Variants in FBXL5 observed in about 807,000 individuals in gnomAD.
FBXL5 encodes the protein F-box and leucine rich repeat protein 5.
In FBXL5, 26 loss-of-function variants were observed where a neutral mutation model predicts 78.3. That is an observed-to-expected ratio of 0.33 (90% confidence interval 0.24 to 0.46). The LOEUF (loss-of-function observed/expected upper bound fraction) is 0.46, where lower values mean the gene tolerates loss of function less well. Ranked by LOEUF, FBXL5 falls within the 20% of genes least tolerant of loss-of-function variation. The probability of loss-of-function intolerance (pLI) is 1.00; values close to 1 mark genes in which losing one functional copy is unlikely to be tolerated. For missense variants in FBXL5, 710 were observed against 829.2 expected (o/e 0.86, Z 1.77); for synonymous variants, 295 against 282.5 (o/e 1.04, Z -0.45).
At chr4:15,610,736 A>C (rs1255011948) in intron 10 of FBXL5, among the ~76,000 whole-genome samples, 1 of 152,108 alleles carries the variant, frequency 6.6e-6, no homozygotes, top group East Asian at 1.9e-4. Context: ...CTATGAATCC[A>C]AAAATAAATA....
At position 15,605,658 on chromosome 4, in the gene FBXL5, G is replaced by T; in HGVS notation, c.*65C>A. 7.3e-7 allele frequency: 1 copy of T among 1,363,580 alleles called. No homozygotes were observed. Among genetic ancestry groups the T allele is most frequent in the South Asian group, 1.2e-5 (1 of 83,404 alleles). 84.5% of individuals were successfully genotyped at this position (1,363,580 alleles called of 1,614,324 possible). A position where few individuals can be genotyped will look rare whatever the true frequency, so the allele number is the denominator to read the frequency against. ...ATGGTTAACACAAGAAATGTGCTAT[G>T]AGTAAAGTGCATGAAAGAAAGCCTG... On this transcript the variant is annotated 3_prime_UTR_variant, in exon 11 of 11. Transcript: ENST00000341285.
chr4:15,630,821 C>T (rs945522849), intron 5 of FBXL5, 30 bp from the exon 6 acceptor site: 1 of 1,599,398 alleles, frequency 6.3e-7, no homozygotes, highest in Non-Finnish European at 8.5e-7. Flanking sequence ...GTAAAAGGTT[C>T]AAAATAATAT....
At chr4:15,655,513 C>G, upstream of FBXL5, 1 of 357,880 alleles carries the variant, frequency 2.8e-6, no homozygotes, top group Non-Finnish European at 3.9e-6. Context: ...CTTCTGCCTC[C>G]CGCCCCCACT....
chr4:15,679,567 A>C (rs1015814479), intron 1 of FBXL5, among the ~76,000 whole-genome samples: 21 of 151,572 alleles, frequency 1.4e-4, no homozygotes, highest in South Asian at 8.3e-4. Flanking sequence ...AGGAACAAAA[A>C]AAAAAAAAAA....
chr4:15,633,767 G>C (rs1455235841), intron 5 of FBXL5, among the ~76,000 whole-genome samples: 1 of 152,092 alleles, frequency 6.6e-6, no homozygotes, highest in Non-Finnish European at 1.5e-5. Context: ...TAATTTATTT[G>C]TATTTGTATT....
At chr4:15,677,796 C>G (rs922888521) in intron 1 of FBXL5, among the ~76,000 whole-genome samples, 1 of 152,144 alleles carries the variant, frequency 6.6e-6, no homozygotes, top group African/African-American at 2.4e-5. Context: ...GTCATTCTAG[C>G]AAATTATCAA....
At chr4:15,669,076 ACCT>A (rs900545428) in intron 1 of FBXL5, among the ~76,000 whole-genome samples, 33 of 152,286 alleles carry the variant, frequency 2.2e-4, no homozygotes, top group African/African-American at 6.7e-4. Flanking sequence ...TTTAAATATA[ACCT>A]CAGACACAAC....
intron 1 of FBXL5, among the ~76,000 whole-genome samples, chr4:15,652,588 G>A (rs1716230776): frequency 6.6e-6 from 1 of 152,140 alleles, no homozygotes; most frequent in Non-Finnish European, 1.5e-5. Flanking sequence ...GTCAGCTTTT[G>A]AAAATTTATT....
chr4:15,604,904 G>GAT lies in FBXL5; in HGVS notation c.*818_*819insAT, dbSNP rs1721783674. 1 of 152,182 alleles carries GAT rather than the reference G, an allele frequency of 6.6e-6. No homozygotes were observed. The highest frequency in any genetic ancestry group is 2.1e-4 in the South Asian group (1 of 4,828). The allele number at this position is 152,182 out of a possible 1,614,324, so 9.4% of individuals were successfully genotyped here. ...TATCTGTCTAAAACTATTTGTCAGG[G>GAT]TAATAAGTTCATGGGAGGTCCAAAG... On this transcript the variant is annotated 3_prime_UTR_variant, in exon 11 of 11. Coordinates refer to ENST00000341285, the MANE Select transcript of FBXL5 (RefSeq NM_012161.4).
At chr4:15,649,807 C>G (rs1172745228) in intron 1 of FBXL5, among the ~76,000 whole-genome samples, 2 of 151,922 alleles carry the variant, frequency 1.3e-5, no homozygotes, top group Admixed American at 1.3e-4. Context: ...TTAAAACAAC[C>G]TAAAAAGTAG....
chr4:15,649,017 G>A (rs1715652575), intron 1 of FBXL5, among the ~76,000 whole-genome samples: 1 of 151,376 alleles, frequency 6.6e-6, no homozygotes, highest in Non-Finnish European at 1.5e-5. Context: ...CAATAAAGCT[G>A]GGAAAAAATG....
chr4:15,644,470 G>A, intron 2 of FBXL5, 23 bp downstream of exon 2: 1 of 1,584,414 alleles, frequency 6.3e-7, no homozygotes, highest in Non-Finnish European at 8.7e-7. Context: ...TTTGACAGTT[G>A]AATATCCATT....
At chr4:15,677,926 T>C (rs1374695447) in intron 1 of FBXL5, among the ~76,000 whole-genome samples, 4 of 97,448 alleles carry the variant, frequency 4.1e-5, no homozygotes, top group African/African-American at 1.5e-4. Flanking sequence ...CCTGTGGGAC[T>C]GAGCGCTTAA....
chr4:15,665,047 G>C (rs1717480204), intron 1 of FBXL5, among the ~76,000 whole-genome samples: 1 of 152,076 alleles, frequency 6.6e-6, no homozygotes, highest in South Asian at 2.1e-4. Flanking sequence ...TGTTTTTCAT[G>C]TGCTCAGTCA....
At chr4:15,661,331 T>C (rs1480816039), upstream of FBXL5, among the ~76,000 whole-genome samples, 1 of 152,168 alleles carries the variant, frequency 6.6e-6, no homozygotes, top group Non-Finnish European at 1.5e-5. Flanking sequence ...GGAACCAGTA[T>C]TCTCATCTGT....
chr4:15,618,567 G>A lies in FBXL5; in HGVS notation c.1851-6153C>T, dbSNP rs560887001. On this transcript the variant is annotated intron_variant, in intron 9 of 10. Coordinates refer to ENST00000341285, the MANE Select transcript of FBXL5 (RefSeq NM_012161.4). ...AAAAAAGAATTAACATTGGCTGGGCGCAGTGGCTCACGCCTGCAATTCCAG... is the reference window on the plus strand; with the variant it reads ...AAAAAAGAATTAACATTGGCTGGGCACAGTGGCTCACGCCTGCAATTCCAG... 3.7e-4 allele frequency among the ~76,000 whole-genome samples: 56 copies of A among 152,328 alleles called. 1 individual carries two copies. The South Asian group carries it at 9.5e-3, about 26-fold the overall frequency.
chr4:15,658,056 A>G (rs1055142833), upstream of FBXL5, among the ~76,000 whole-genome samples: 6 of 152,230 alleles, frequency 3.9e-5, no homozygotes, highest in Non-Finnish European at 7.3e-5. Flanking sequence ...ACCTAAAAAT[A>G]TAACTTATTC....
rs532287144 is a variant in FBXL5 at position 15,605,092 on chromosome 4, T to C, written c.*631A>G. On this transcript the variant is annotated 3_prime_UTR_variant, in exon 11 of 11. Transcript: ENST00000341285. Reference sequence around the variant, plus strand: ...TTTAAAAAATCTCTCCCAAATTTGATGACATAGGGACAGTGGTGAGAACAA... The same window carrying C: ...TTTAAAAAATCTCTCCCAAATTTGACGACATAGGGACAGTGGTGAGAACAA... 1 of 152,744 alleles carries C rather than the reference T, an allele frequency of 6.5e-6. No individual in the cohort carries two copies. The highest frequency in any genetic ancestry group is 2.4e-5 in the African/African-American group (1 of 41,562). The allele number at this position is 152,744 out of a possible 1,614,324, so 9.5% of individuals were successfully genotyped here. A position where few individuals can be genotyped will look rare whatever the true frequency, so the allele number is the denominator to read the frequency against.
At chr4:15,679,669 A>G (rs537487332) in intron 1 of FBXL5, among the ~76,000 whole-genome samples, 180 of 151,718 alleles carry the variant, frequency 1.2e-3, no homozygotes, top group Middle Eastern at 3.4e-3. Context: ...TATTTTTGTT[A>G]TATGTTTTAT....
Sources: allele counts gnomAD v4.1 joint callset (sites outside exome capture counted in the v4.1 genomes callset), GRCh38; gene constraint gnomAD v4.1.1; transcripts MANE v1.5; gene names NCBI Gene and HGNC (gene_info 2026-07-23, HGNC 2026-07-21).